ERH: variants seen among roughly 807,000 people sequenced by gnomAD.
The protein encoded by ERH is ERH mRNA splicing and mitosis factor, also known as enhancer of rudimentary homolog.
A neutral mutation model predicts 16.8 loss-of-function variants in ERH; 1 was observed. The ratio of observed to expected loss-of-function variants is 0.06; its 90% CI spans 0.02 to 0.28. The LOEUF (loss-of-function observed/expected upper bound fraction) is 0.28, where lower values mean the gene tolerates loss of function less well. Among genes scored for constraint, ERH ranks in the 10% least tolerant of loss-of-function variants. ERH has a pLI of 1.00. For missense variants in ERH, 42 were observed against 127.5 expected, an observed-to-expected ratio of 0.33 and a Z score of 3.23; for synonymous variants, 43 against 43.6, an observed-to-expected ratio of 0.99 and a Z score of 0.05.
chr14:69,384,549 C>T (rs2045880702), intron 3 of ERH, among the ~76,000 whole-genome samples: 1 of 152,172 alleles, frequency 6.6e-6, no homozygotes. Context: ...AGTATGACAT[C>T]CCAAAAGCGT....
At chr14:69,392,210 A>C (rs1210811247) in intron 2 of ERH, among the ~76,000 whole-genome samples, 1 of 92,884 alleles carries the variant, frequency 1.1e-5, no homozygotes, top group Non-Finnish European at 2.2e-5. Flanking sequence ...TTACTACAAG[A>C]AAAAAAAAAA....
intron 2 of ERH, among the ~76,000 whole-genome samples, chr14:69,392,890 G>A (rs1248254587): frequency 3.9e-5 from 6 of 152,172 alleles, no homozygotes; most frequent in Admixed American, 2.6e-4. Context: ...GACCAAACAT[G>A]ATAATGTAGG....
chr14:69,392,551 A>C (rs1324890917), intron 2 of ERH, among the ~76,000 whole-genome samples: 2 of 152,234 alleles, frequency 1.3e-5, no homozygotes, highest in South Asian at 2.1e-4. Context: ...GTAGAGCACA[A>C]GAAATGTTTA....
rs57516317 is a variant in ERH, at chr14:69,387,695, C to CAAAAAAAAAAAAAAAAA, written c.92-613_92-612insTTTTTTTTTTTTTTTTT. ...AGTAATTCTTCCTAAAGCCACAGAGCAAAAAAAAAAAAAAAATTGGCAACA... is the reference window on the plus strand; with the variant it reads ...AGTAATTCTTCCTAAAGCCACAGAGCAAAAAAAAAAAAAAAAAAAAAAAAAAAAAAAAATTGGCAACA... On this transcript the variant is annotated intron_variant, in intron 2 of 3. Coordinates refer to ENST00000557016, the MANE Select transcript of ERH (RefSeq NM_004450.3). 1.1e-4 allele frequency among the ~76,000 whole-genome samples: 12 copies of CAAAAAAAAAAAAAAAAA among 113,294 alleles called. 1 individual carries two copies. Among genetic ancestry groups the CAAAAAAAAAAAAAAAAA allele is most frequent in the Non-Finnish European group, 1.2e-4 (7 of 56,418 alleles). 74.3% of individuals were successfully genotyped at this position (113,294 alleles called of 152,430 possible).
chr14:69,397,136 C>T (rs1882360941), intron 1 of ERH, among the ~76,000 whole-genome samples: 2 of 152,134 alleles, frequency 1.3e-5, no homozygotes, highest in South Asian at 2.1e-4. Flanking sequence ...GTACTTACTG[C>T]CCAAAGACAA....
intron 1 of ERH, among the ~76,000 whole-genome samples, chr14:69,397,633 A>G (rs1293834439): frequency 1.3e-5 from 2 of 152,210 alleles, no homozygotes; most frequent in Admixed American, 6.5e-5. Context: ...AAAATACCAT[A>G]TCCGGCAGGG....
At chr14:69,397,897 G>A in intron 1 of ERH, 2 of 468,146 alleles carry the variant, frequency 4.3e-6, no homozygotes, top group Admixed American at 3.7e-5. Flanking sequence ...CAGCCTGGGC[G>A]ATAGAGTGAG....
At chr14:69,395,978 G>A (rs185892043) in intron 1 of ERH, among the ~76,000 whole-genome samples, 1 of 152,270 alleles carries the variant, frequency 6.6e-6, no homozygotes, top group East Asian at 1.9e-4. Context: ...TCTCAACGTG[G>A]GCTCTATTAC....
At chr14:69,391,891 T>C (rs559230172) in intron 2 of ERH, among the ~76,000 whole-genome samples, 31 of 152,166 alleles carry the variant, frequency 2.0e-4, no homozygotes, top group African/African-American at 7.2e-4. Flanking sequence ...CACGTAATTA[T>C]ACATGTCAAA....
chr14:69,397,065 C>G (rs554183893), intron 1 of ERH, among the ~76,000 whole-genome samples: 1 of 152,290 alleles, frequency 6.6e-6, no homozygotes, highest in East Asian at 1.9e-4. Flanking sequence ...AAAAGCTATA[C>G]AGCATGTTGC....
intron 1 of ERH, 163 bp downstream of exon 1, chr14:69,398,068 C>A: frequency 1.1e-6 from 1 of 925,648 alleles, no homozygotes; most frequent in Non-Finnish European, 1.7e-6. Flanking sequence ...AGAGTCAGGC[C>A]TGGCGTCCCT....
chr14:69,394,694 A>T (rs1159075879), intron 2 of ERH, 131 bp downstream of exon 2: 1 of 562,458 alleles, frequency 1.8e-6, no homozygotes, highest in Non-Finnish European at 3.1e-6. Context: ...CAATTCAATA[A>T]ATTTGGAGGG....
chr14:69,381,319 C>G (rs905569596), intron 3 of ERH, among the ~76,000 whole-genome samples: 1 of 152,148 alleles, frequency 6.6e-6, no homozygotes, highest in Admixed American at 6.6e-5. Flanking sequence ...AATGTTTATT[C>G]TGAATTAACT....
At chr14:69,397,755 C>T (rs763923183) in intron 1 of ERH, among the ~76,000 whole-genome samples, 2 of 152,082 alleles carry the variant, frequency 1.3e-5, no homozygotes, top group Non-Finnish European at 2.9e-5. Flanking sequence ...GCCGTCTCTG[C>T]TAAAATAAAA....
chr14:69,380,738 C>A, intron 3 of ERH, 98 bp from the exon 4 acceptor site: 1 of 648,958 alleles, frequency 1.5e-6, no homozygotes, highest in South Asian at 1.9e-5. Context: ...CATAGATGTG[C>A]ACATTTCCAA....
chr14:69,397,422 A>C (rs1319112923), intron 1 of ERH, among the ~76,000 whole-genome samples: 1 of 151,390 alleles, frequency 6.6e-6, no homozygotes, highest in Non-Finnish European at 1.5e-5. Flanking sequence ...GGGACGCGCC[A>C]CACGCAATAC....
At chr14:69,388,640 G>A (rs771591534) in intron 2 of ERH, among the ~76,000 whole-genome samples, 1 of 152,152 alleles carries the variant, frequency 6.6e-6, no homozygotes, top group Non-Finnish European at 1.5e-5. Context: ...GGGATTACAG[G>A]CTTGAGCCAT....
intron 3 of ERH, among the ~76,000 whole-genome samples, chr14:69,381,851 G>A (rs188099055): frequency 1.3e-5 from 2 of 152,264 alleles, no homozygotes; most frequent in East Asian, 3.9e-4. Flanking sequence ...ACCACGTCCA[G>A]CTAATGTTTT....
Position 69,380,490 on chromosome 14 carries a change from C to A in ERH, c.*48G>T, listed in dbSNP as rs1271317733. 2.8e-6 allele frequency: 3 copies of A among 1,059,728 alleles called. No individual in the cohort carries two copies. Among genetic ancestry groups the A allele is most frequent in the Non-Finnish European group, 4.4e-6 (3 of 675,922 alleles). 65.6% of individuals were successfully genotyped at this position (1,059,728 alleles called of 1,614,324 possible). A position where few individuals can be genotyped will look rare whatever the true frequency, so the allele number is the denominator to read the frequency against. On this transcript the variant is annotated 3_prime_UTR_variant, in exon 4 of 4. Transcript: ENST00000557016. ...AACTTCCACTACAGCACGCTGTACA[C>A]ACCTGTGTTCCAAGCCCACCCCAAC...
Sources: allele counts gnomAD v4.1 joint callset (sites outside exome capture counted in the v4.1 genomes callset), GRCh38; gene constraint gnomAD v4.1.1; transcripts MANE v1.5; gene names NCBI Gene and HGNC (gene_info 2026-07-23, HGNC 2026-07-21).